TSHZ2: variants seen among roughly 807,000 people sequenced by gnomAD.
TSHZ2 encodes teashirt homolog 2.
In TSHZ2, 21 loss-of-function variants were observed where a neutral mutation model predicts 74.4. That is an observed-to-expected ratio of 0.28 (90% confidence interval 0.20 to 0.41). The LOEUF is 0.41. Among genes scored for constraint, TSHZ2 ranks in the 10% least tolerant of loss-of-function variants. The pLI is 1.00. For synonymous variants in TSHZ2, 540 were observed against 515.3 expected (o/e 1.05, Z -0.65); for missense variants, 1,244 against 1,293.5 (o/e 0.96, Z 0.59).
At chr20:53,372,884 G>C (rs1039850453) in intron 2 of TSHZ2, among the ~76,000 whole-genome samples, 2 of 152,200 alleles carry the variant, frequency 1.3e-5, no homozygotes, top group Non-Finnish European at 2.9e-5. Flanking sequence ...AGAACATACA[G>C]GGGAGGAAAA....
intron 2 of TSHZ2, among the ~76,000 whole-genome samples, chr20:53,411,471 G>A (rs181216341): frequency 1.3e-5 from 2 of 152,186 alleles, no homozygotes; most frequent in East Asian, 1.9e-4. Context: ...CTCCTACTGT[G>A]AGCCCCTAGG....
At position 53,488,005 on chromosome 20, in the gene TSHZ2, A is replaced by G. The variant is rs1300529899; in HGVS notation, c.*870A>G. 6.6e-6 allele frequency: 1 copy of G among 152,250 alleles called. No individual in the cohort carries two copies. Among genetic ancestry groups the G allele is most frequent in the Non-Finnish European group, 1.5e-5 (1 of 68,042 alleles). The allele number at this position is 152,250 out of a possible 1,614,324, so 9.4% of individuals were successfully genotyped here. The stretch of plus-strand genomic sequence containing the variant: ...TGAGAGAACGCGAGAAGATGAGATC[A>G]TTACAGGGTGGAAAGTTCTGCAGCA... On this transcript the variant is annotated 3_prime_UTR_variant, in exon 3 of 3. Transcript: ENST00000371497.
chr20:53,189,001 G>A (rs1270980313), intron 1 of TSHZ2, among the ~76,000 whole-genome samples: 1 of 152,174 alleles, frequency 6.6e-6, no homozygotes, highest in Non-Finnish European at 1.5e-5. Flanking sequence ...TTGCTCAAAA[G>A]CACACAGCTT....
At position 53,362,006 on chromosome 20, in the gene TSHZ2, A is replaced by G. The variant is rs368239827; in HGVS notation, c.*8+105435A>G. Among the ~76,000 whole-genome samples the G allele has an allele frequency of 2.5e-4, 36 of 146,592 alleles. 3 individuals carry two copies. The highest frequency in any genetic ancestry group is 8.8e-4 in the African/African-American group (35 of 39,748). On this transcript the variant is annotated intron_variant, in intron 2 of 2. Transcript: ENST00000371497. Reference sequence around the variant, plus strand: ...GCCATCTCGGCTCACTGCAACCTCCACCTCCCAGATTCAAGCGATTCCTCT... The same window carrying G: ...GCCATCTCGGCTCACTGCAACCTCCGCCTCCCAGATTCAAGCGATTCCTCT...
chr20:53,063,464 A>G lies in TSHZ2; in HGVS notation c.40+90131A>G, dbSNP rs536961425. 1.9e-4 allele frequency among the ~76,000 whole-genome samples: 29 copies of G among 152,356 alleles called. 2 individuals carry two copies. The South Asian group carries it at 5.8e-3, about 31-fold the overall frequency. On this transcript the variant is annotated intron_variant, in intron 1 of 2. Transcript: ENST00000371497. ...AAATGATTCATAATATAAATTATGG[A>G]CAATTTAAAGATTTTTAAGGGTAGA...
At position 53,033,651 on chromosome 20, in the gene TSHZ2, CTTTTTT is replaced by C. The variant is rs61445726; in HGVS notation, c.40+60338_40+60343del. Among the ~76,000 whole-genome samples, 298 of 59,018 alleles carry C rather than the reference CTTTTTT, an allele frequency of 5.0e-3. 1 individual carries two copies. Among genetic ancestry groups the C allele is most frequent in the Non-Finnish European group, 6.4e-3 (214 of 33,552 alleles). 38.7% of individuals were successfully genotyped at this position (59,018 alleles called of 152,430 possible). ...GCCCTCTGCATTGATTGATAAAAAG[CTTTTTT>C]TTTTTTTTTTTTTTTTTTTGGAGAC... On this transcript the variant is annotated intron_variant, in intron 1 of 2. Coordinates refer to ENST00000371497, the MANE Select transcript of TSHZ2 (RefSeq NM_173485.6).
intron 2 of TSHZ2, among the ~76,000 whole-genome samples, chr20:53,422,970 T>C (rs1417681718): frequency 4.6e-5 from 7 of 152,200 alleles, no homozygotes; most frequent in Non-Finnish European, 1.0e-4. Context: ...AACTCCTCAA[T>C]GCGTTCTTAG....
chr20:53,491,667 G>A lies in TSHZ2; in HGVS notation c.*4532G>A, dbSNP rs1345693820. On this transcript the variant is annotated 3_prime_UTR_variant, in exon 3 of 3. Coordinates refer to ENST00000371497, the MANE Select transcript of TSHZ2 (RefSeq NM_173485.6). ...GGGTGTTTCTCCAAAAATTATTCAT[G>A]CACAAGGCAGCCCAAAGCTTCAGGG... is the stretch of plus-strand genomic sequence containing the variant. The A allele has an allele frequency of 6.6e-6, 1 of 152,146 alleles. No homozygotes were observed. The highest frequency in any genetic ancestry group is 1.5e-5 in the Non-Finnish European group (1 of 68,036). 9.4% of individuals were successfully genotyped at this position (152,146 alleles called of 1,614,324 possible). A position where few individuals can be genotyped will look rare whatever the true frequency, so the allele number is the denominator to read the frequency against.
At chr20:53,472,973 A>C (rs1455294260) in intron 2 of TSHZ2, among the ~76,000 whole-genome samples, 1 of 152,020 alleles carries the variant, frequency 6.6e-6, no homozygotes, top group African/African-American at 2.4e-5. Context: ...GCGCACCACG[A>C]GATTATATCC....
chr20:53,169,499 T>C (rs1988139942), intron 1 of TSHZ2, among the ~76,000 whole-genome samples: 1 of 152,200 alleles, frequency 6.6e-6, no homozygotes, highest in African/African-American at 2.4e-5. Context: ...GTCCAGATGT[T>C]TTATTATCTA....
At chr20:53,453,365 A>G (rs1984887955) in intron 2 of TSHZ2, among the ~76,000 whole-genome samples, 1 of 152,242 alleles carries the variant, frequency 6.6e-6, no homozygotes, top group South Asian at 2.1e-4. Flanking sequence ...ATTGTCAATA[A>G]CATGTGCTCT....
intron 1 of TSHZ2, among the ~76,000 whole-genome samples, chr20:53,107,450 T>G (rs1986409436): frequency 6.6e-6 from 1 of 152,232 alleles, no homozygotes; most frequent in Non-Finnish European, 1.5e-5. Context: ...ACCTCGCCTC[T>G]GTTTGCCATA....
chr20:53,486,558 C>T (rs991791650), intron 2 of TSHZ2, among the ~76,000 whole-genome samples: 2 of 151,888 alleles, frequency 1.3e-5, no homozygotes, highest in African/African-American at 4.8e-5. Flanking sequence ...AGTGTGCCTG[C>T]GGTTCCAGCC....
rs71194484 is a variant in TSHZ2, at chr20:53,480,069, G to GT, written c.*9-7059dup. Among the ~76,000 whole-genome samples the GT allele has an allele frequency of 8.8e-3, 1,125 of 127,648 alleles. 5 individuals are homozygous for GT. The highest frequency in any genetic ancestry group is 0.012 in the Non-Finnish European group (749 of 61,344). 83.7% of individuals were successfully genotyped at this position (127,648 alleles called of 152,430 possible). A position where few individuals can be genotyped will look rare whatever the true frequency, so the allele number is the denominator to read the frequency against. On this transcript the variant is annotated intron_variant, in intron 2 of 2. Coordinates refer to ENST00000371497, the MANE Select transcript of TSHZ2 (RefSeq NM_173485.6). ...CATGGACAACATAACCCAGGTTTTT[G>GT]TTTTTTTTTTTTTTTTGAGATGGAG...
At chr20:53,387,825 TTGTC>T (rs1328904708) in intron 2 of TSHZ2, among the ~76,000 whole-genome samples, 3 of 152,076 alleles carry the variant, frequency 2.0e-5, no homozygotes, top group African/African-American at 2.4e-5. Context: ...GGTGGGCAGA[TTGTC>T]TGAGCTCAGG....
chr20:53,196,475 A>G (rs1988873013), intron 1 of TSHZ2: 1 of 151,552 alleles, frequency 6.6e-6, no homozygotes. Context: ...AGGAGGCCTG[A>G]TTGCGGTCAA....
intron 2 of TSHZ2, among the ~76,000 whole-genome samples, chr20:53,290,762 T>A (rs1991263619): frequency 6.6e-6 from 1 of 152,218 alleles, no homozygotes; most frequent in Admixed American, 6.5e-5. Flanking sequence ...GCTAGACCTG[T>A]AGTCAGTGTC....
intron 2 of TSHZ2, among the ~76,000 whole-genome samples, chr20:53,280,560 T>C (rs1991035653): frequency 6.6e-6 from 1 of 152,224 alleles, no homozygotes. Flanking sequence ...TGCTAAGTCC[T>C]GGTTTAGAAG....
intron 2 of TSHZ2, among the ~76,000 whole-genome samples, chr20:53,467,859 TA>T (rs961950868): frequency 6.6e-6 from 1 of 152,212 alleles, no homozygotes; most frequent in African/African-American, 2.4e-5. Flanking sequence ...TACCAGGCTT[TA>T]AAAGCAAGCA....
Sources: allele counts gnomAD v4.1 joint callset (sites outside exome capture counted in the v4.1 genomes callset), GRCh38; gene constraint gnomAD v4.1.1; transcripts MANE v1.5; gene names NCBI Gene and HGNC (gene_info 2026-07-23, HGNC 2026-07-21).